The following SERPINA1 variants were observed in gnomAD, a reference collection of about 807,000 sequenced individuals.
SERPINA1 encodes serpin family A member 1.
A neutral mutation model predicts 25.4 loss-of-function variants in SERPINA1; 21 were observed. The ratio of observed to expected loss-of-function variants is 0.83; its 90% CI spans 0.59 to 1.19. The LOEUF (loss-of-function observed/expected upper bound fraction) is 1.19, where lower values mean the gene tolerates loss of function less well. Ranked by LOEUF, SERPINA1 falls within the 50% of genes most tolerant of loss-of-function variation. The probability of loss-of-function intolerance (pLI) is 0.00; values close to 1 mark genes in which losing one functional copy is unlikely to be tolerated. For missense variants in SERPINA1, 546 were observed against 509.0 expected, an observed-to-expected ratio of 1.07 and a Z score of -0.70; for synonymous variants, 218 against 211.1, an observed-to-expected ratio of 1.03 and a Z score of -0.29.
chr14:94,379,963 G>A (rs1896759764), intron 3 of SERPINA1, among the ~76,000 whole-genome samples: 2 of 152,254 alleles, frequency 1.3e-5, no homozygotes, highest in African/African-American at 4.8e-5. Context: ...GCTGGTGGCA[G>A]TGCCCAGTGA....
intron 1 of SERPINA1, among the ~76,000 whole-genome samples, chr14:94,386,164 G>A (rs544935697): frequency 1.3e-5 from 2 of 152,334 alleles, no homozygotes; most frequent in African/African-American, 2.4e-5. Flanking sequence ...CTGGGAGGGC[G>A]ACTGGAGAGG....
intron 1 of SERPINA1, among the ~76,000 whole-genome samples, chr14:94,387,932 T>C (rs114597199): frequency 0.02 from 2,972 of 152,168 alleles, 76 homozygotes; most frequent in African/African-American, 0.068. Context: ...CCTCACAGCT[T>C]CCTGTCCTCC....
chr14:94,386,417 TG>T (rs1292859613), intron 1 of SERPINA1, among the ~76,000 whole-genome samples: 2 of 152,156 alleles, frequency 1.3e-5, no homozygotes, highest in Admixed American at 1.3e-4. Context: ...ATCTCGCCTA[TG>T]GTCAAACAAC....
At chr14:94,379,316 C>A (rs926102319) in intron 4 of SERPINA1, 148 bp downstream of exon 4, 3 of 1,196,084 alleles carry the variant, frequency 2.5e-6, no homozygotes, top group Non-Finnish European at 2.5e-6. Flanking sequence ...CGTCCCGTGT[C>A]AGTGAATCAC....
chr14:94,383,569 A>C, intron 1 of SERPINA1: 1 of 402,498 alleles, frequency 2.5e-6, no homozygotes, highest in South Asian at 3.6e-5. Flanking sequence ...AATGTCACTG[A>C]GGAAGTAGCA....
In SERPINA1 at chr14:94,378,248, T is replaced by C. The variant is rs574176097; in HGVS notation, c.*201A>G. ...AGCATGTGCCTACCCAGCCAGATGC[T>C]CCATGAACACAGTTCAGGGGGCCCG... On this transcript the variant is annotated 3_prime_UTR_variant, in exon 5 of 5. Coordinates refer to ENST00000393087, the MANE Select transcript of SERPINA1 (RefSeq NM_000295.5). 2 of 609,974 alleles carry C rather than the reference T, an allele frequency of 3.3e-6. No homozygotes were observed. Among genetic ancestry groups the C allele is most frequent in the South Asian group, 2.0e-5 (1 of 50,308 alleles). The allele number at this position is 609,974 out of a possible 1,614,324, so 37.8% of individuals were successfully genotyped here.
At chr14:94,382,505 T>G (rs1897000624) in intron 2 of SERPINA1, 87 bp downstream of exon 2, 1 of 1,527,280 alleles carries the variant, frequency 6.5e-7, no homozygotes, top group South Asian at 1.1e-5. Context: ...CCATAATGCA[T>G]TGCCAAGGAG....
chr14:94,383,922 C>T (rs1897131200), intron 1 of SERPINA1: 1 of 152,340 alleles, frequency 6.6e-6, no homozygotes, highest in Non-Finnish European at 1.5e-5. Context: ...CCACCCAACA[C>T]TCACAAGGAT....
At chr14:94,380,004 C>A (rs1896764160) in intron 3 of SERPINA1, among the ~76,000 whole-genome samples, 1 of 152,248 alleles carries the variant, frequency 6.6e-6, no homozygotes, top group Admixed American at 6.5e-5. Flanking sequence ...GAAGAGTGAC[C>A]ACACCAGGCT....
rs756260997 is a variant in SERPINA1 at position 94,382,965 on chromosome 14, C to G, written c.273G>C (p.Gly91=). Residue 91 remains glycine (G), a synonymous_variant, in exon 2 of 5, where the codon GGG becomes GGC. Coordinates refer to ENST00000393087, the MANE Select transcript of SERPINA1 (RefSeq NM_000295.5). ...IATAFAMLSL[G]TKADTHDEIL... ...TTTCATCGTGAGTGTCAGCCTTGGT[C>G]CCCAGGGAGAGCATTGCAAAGGCTG... 1.9e-6 allele frequency: 3 copies of G among 1,607,994 alleles called. No homozygotes were observed. The African/African-American group carries it at 4.0e-5, about 22-fold the overall frequency.
chr14:94,378,399 C>G lies in SERPINA1; in HGVS notation c.*50G>C. The G allele has an allele frequency of 6.6e-7, 1 of 1,507,776 alleles. No homozygotes were observed. The highest frequency in any genetic ancestry group is 9.2e-7 in the Non-Finnish European group (1 of 1,083,482). 93.4% of individuals were successfully genotyped at this position (1,507,776 alleles called of 1,614,324 possible). On this transcript the variant is annotated 3_prime_UTR_variant, in exon 5 of 5. Transcript: ENST00000393087. ...CAGCTCAACCCTTCTTTAATGTCAT[C>G]CAGGGAGGGGGCCAGGGATGGAGGG...
At chr14:94,378,745 T>C in intron 4 of SERPINA1, 105 bp from the exon 5 acceptor site, 1 of 1,253,652 alleles carries the variant, frequency 8.0e-7, no homozygotes, top group Non-Finnish European at 1.1e-6. Flanking sequence ...TGGACGGCCC[T>C]GGCCCTGCAC....
intron 1 of SERPINA1, among the ~76,000 whole-genome samples, chr14:94,387,583 G>A (rs1897364624): frequency 6.6e-6 from 1 of 152,186 alleles, no homozygotes; most frequent in South Asian, 2.1e-4. Context: ...GAGAGGTTGA[G>A]CAACTGTCTG....
At chr14:94,380,832 G>A in intron 3 of SERPINA1, 39 bp downstream of exon 3, 1 of 1,614,072 alleles carries the variant, frequency 6.2e-7, no homozygotes, top group African/African-American at 1.3e-5. Flanking sequence ...GCTAAGAGGT[G>A]TGGGCAGCTT....
In SERPINA1 at chr14:94,378,144, A is replaced by G; in HGVS notation, c.*305T>C. The G allele has an allele frequency of 2.2e-6, 1 of 455,724 alleles. No individual in the cohort carries two copies. Among genetic ancestry groups the G allele is most frequent in the Non-Finnish European group, 4.0e-6 (1 of 249,982 alleles). The allele number at this position is 455,724 out of a possible 1,614,324, so 28.2% of individuals were successfully genotyped here. A position where few individuals can be genotyped will look rare whatever the true frequency, so the allele number is the denominator to read the frequency against. ...CTTCTTGGGGACTCCAAGACAGGAC[A>G]AGGAAGACTGGAGCCCTCCAGAAAC... On this transcript the variant is annotated 3_prime_UTR_variant, in exon 5 of 5. Transcript: ENST00000393087.
At position 94,380,977 on chromosome 14, in the gene SERPINA1, T is replaced by C. The variant is rs755851961; in HGVS notation, c.811A>G (p.Asn271Asp). 4.3e-6 allele frequency: 7 copies of C among 1,614,058 alleles called. No homozygotes were observed. Among genetic ancestry groups the C allele is most frequent in the Non-Finnish European group, 5.9e-6 (7 of 1,180,044 alleles). ...SWVLLMKYLGNATAIFFLPDE... is the reference protein window; with the variant it reads ...SWVLLMKYLGDATAIFFLPDE... ...GGCAGGAAGAAGATGGCGGTGGCAT[T>C]GCCCAGGTATTTCATCAGCAGCACC... Residue 271 changes from asparagine (N) to aspartate (D), a missense_variant, in exon 3 of 5, where the codon AAT becomes GAT. Asn to Asp is a conservative substitution (Grantham distance 23). Transcript: ENST00000393087.
intron 1 of SERPINA1, chr14:94,383,667 G>T (rs1595616720): frequency 5.2e-6 from 1 of 191,594 alleles, no homozygotes; most frequent in East Asian, 1.2e-4. Flanking sequence ...AAATGGTACA[G>T]CCATTGTTTT....
intron 4 of SERPINA1, chr14:94,379,205 T>C (rs912703245): frequency 1.6e-6 from 1 of 607,592 alleles, no homozygotes; most frequent in Non-Finnish European, 2.9e-6. Context: ...CTAGAAGGTC[T>C]TGGGCAAAGT....
rs974712288 is a variant in SERPINA1, at chr14:94,388,296, C to A, written c.-5+264G>T. Among the ~76,000 whole-genome samples the A allele has an allele frequency of 2.6e-5, 4 of 152,186 alleles. No homozygotes were observed. In the South Asian group the frequency reaches 6.2e-4, roughly 24 times the overall value. The stretch of plus-strand genomic sequence containing the variant: ...CCAGGACTGCAGACCTAGACACCCT[C>A]ATCCACTTCTGCTTACAGGAACCAG... On this transcript the variant is annotated intron_variant, in intron 1 of 4. Transcript: ENST00000393087.
Sources: gnomAD v4.1 joint callset for allele counts (sites outside exome capture counted in the v4.1 genomes callset) on GRCh38, gnomAD v4.1.1 for gene constraint, MANE v1.5 for transcripts, NCBI Gene and HGNC (gene_info 2026-07-23, HGNC 2026-07-21) for gene names.